The following ADSS2 variants were observed in gnomAD, a reference collection of about 807,000 sequenced individuals.
The protein encoded by ADSS2 is adenylosuccinate synthase 2, also known as adenylosuccinate synthetase isozyme 2.
Under a neutral mutation model 60.0 loss-of-function variants are expected in ADSS2, and 30 were observed. The observed-to-expected ratio is 0.50, with a 90% CI of 0.37 to 0.68. The LOEUF (loss-of-function observed/expected upper bound fraction) is 0.68, where lower values mean the gene tolerates loss of function less well. Among genes scored for constraint, ADSS2 ranks in the 30% least tolerant of loss-of-function variants. ADSS2 has a pLI of 0.00. For synonymous variants in ADSS2, 187 were observed against 193.1 expected, an observed-to-expected ratio of 0.97 and a Z score of 0.26; for missense variants, 373 against 554.8, an observed-to-expected ratio of 0.67 and a Z score of 3.29.
rs371336132 is a variant in ADSS2 at position 244,424,329 on chromosome 1, T to C, written c.465A>G (p.Ala155=). The C allele has an allele frequency of 1.2e-6, 2 of 1,613,260 alleles. No individual in the cohort carries two copies. The highest frequency in any genetic ancestry group is 1.7e-6 in the Non-Finnish European group (2 of 1,179,540). The change falls in exon 5 of 13, where the codon GCA becomes GCG. Residue 155 remains alanine, a synonymous_variant. Coordinates refer to ENST00000366535, the MANE Select transcript of ADSS2 (RefSeq NM_001126.5). ...GIQEQQRQEQ[A]GKNLGTTKKG... ...CAAAAACCCACACATACTTTTTTCC[T>C]GCTTGTTCTTGTCTCTGTTGTTCCT...
intron 3 of ADSS2, 69 bp from the exon 4 acceptor site, chr1:244,432,664 T>A: frequency 9.1e-5 from 60 of 661,504 alleles, no homozygotes; most frequent in Non-Finnish European, 1.2e-4. Context: ...TAATTTCTTT[T>A]TTTTTTTTTT....
In ADSS2 at chr1:244,411,400, T is replaced by C. The variant is rs747066610; in HGVS notation, c.1205A>G (p.Tyr402Cys). The C allele has an allele frequency of 1.9e-6, 3 of 1,612,580 alleles. No individual in the cohort carries two copies. The highest frequency in any genetic ancestry group is 1.7e-5 in the Admixed American group (1 of 59,770). ...TGTGTTCCATCCTGGGAGAGTCTTA[T>C]ATTGAACTTCAACTTTATTTAAGAC... The part of the protein sequence containing the change: ...QEVLNKVEVQ[Y>C]KTLPGWNTDI... Residue 402 changes from tyrosine (Y) to cysteine (C), a missense_variant, in exon 12 of 13, where the codon TAT becomes TGT. This residue lies in a region of ADSS2 where 130 missense variants were observed against 169.4 expected (regional missense o/e 0.77). Transcript: ENST00000366535.
chr1:244,414,014 G>A (rs1216947814), intron 11 of ADSS2, among the ~76,000 whole-genome samples: 1 of 152,110 alleles, frequency 6.6e-6, no homozygotes, highest in Non-Finnish European at 1.5e-5. Flanking sequence ...CCAGCTTAAA[G>A]TTTGAAAAAC....
At position 244,451,813 on chromosome 1, in the gene ADSS2, G is replaced by A; in HGVS notation, c.5C>T (p.Ala2Val). ...TGCCGCCGGGTAGGTCTCGGCGAAC[G>A]CCATGGCTCCAGTGACGCGAGGAGA... is the stretch of plus-strand genomic sequence containing the variant. M[A>V]FAETYPAASS... The change falls in exon 1 of 13, where the codon GCG becomes GTG. Residue 2 changes from alanine to valine, a missense_variant. Coordinates refer to ENST00000366535, the MANE Select transcript of ADSS2 (RefSeq NM_001126.5). The surrounding 1 kb of genome is among the most constrained non-coding windows in gnomAD (Gnocchi z 6.6). The A allele has an allele frequency of 6.3e-7, 1 of 1,586,248 alleles. No individual in the cohort carries two copies.
chr1:244,451,713 A>T lies in ADSS2; in HGVS notation c.105T>A (p.Gly35=), dbSNP rs999253236. The T allele has an allele frequency of 6.2e-7, 1 of 1,610,822 alleles. No individual in the cohort carries two copies. Among genetic ancestry groups the T allele is most frequent in the Non-Finnish European group, 8.5e-7 (1 of 1,178,754 alleles). Residue 35 remains glycine (G), a synonymous_variant, in exon 1 of 13, where the codon GGT becomes GGA. Coordinates refer to ENST00000366535, the MANE Select transcript of ADSS2 (RefSeq NM_001126.5). This position sits in a 1 kb window ranked among gnomAD's most constrained non-coding sequence, Gnocchi z 6.6. ...PGGNRVTVVL[G]AQWGDEGKGK... The stretch of plus-strand genomic sequence containing the variant: ...CTTTGCCTTCGTCGCCCCACTGCGC[A>T]CCGAGCACCACCGTCACCCGGTTTC...
chr1:244,451,302 C>T lies in ADSS2; in HGVS notation c.183+333G>A, dbSNP rs1455693218. 6.6e-6 allele frequency among the ~76,000 whole-genome samples: 1 copy of T among 152,198 alleles called. No homozygotes were observed. The highest frequency in any genetic ancestry group is 1.5e-5 in the Non-Finnish European group (1 of 68,038). On this transcript the variant is annotated intron_variant, in intron 1 of 12. Coordinates refer to ENST00000366535, the MANE Select transcript of ADSS2 (RefSeq NM_001126.5). This position sits in a 1 kb window ranked among gnomAD's most constrained non-coding sequence, Gnocchi z 6.6. ...AGCTCCTCAAACTCGGACCGCATCCCACCTCCACCCCGGCCTCAGTCCCGG... is the reference window on the plus strand; with the variant it reads ...AGCTCCTCAAACTCGGACCGCATCCTACCTCCACCCCGGCCTCAGTCCCGG...
intron 4 of ADSS2, among the ~76,000 whole-genome samples, chr1:244,429,531 T>G (rs1200455223): frequency 6.6e-6 from 1 of 152,190 alleles, no homozygotes; most frequent in Non-Finnish European, 1.5e-5. Context: ...AATTTTCCAA[T>G]TAGTTATTTG....
chr1:244,443,244 A>T (rs1344105444), intron 1 of ADSS2, among the ~76,000 whole-genome samples: 2 of 152,250 alleles, frequency 1.3e-5, no homozygotes, highest in Non-Finnish European at 2.9e-5. Context: ...TTGGTAAGTT[A>T]TCTCCCACAA....
chr1:244,408,537 A>G lies in ADSS2; in HGVS notation c.*1049T>C, dbSNP rs562139270. 3.3e-5 allele frequency: 5 copies of G among 152,756 alleles called. No individual in the cohort carries two copies. Among genetic ancestry groups the G allele is most frequent in the Non-Finnish European group, 5.9e-5 (4 of 68,014 alleles). The allele number at this position is 152,756 out of a possible 1,614,324, so 9.5% of individuals were successfully genotyped here. On this transcript the variant is annotated 3_prime_UTR_variant, in exon 13 of 13. Coordinates refer to ENST00000366535, the MANE Select transcript of ADSS2 (RefSeq NM_001126.5). ...CTTTTAATCAGCTATTCATGGTGTA[A>G]TAAAATAAATTTAAGTGGCACCTAA... is the stretch of plus-strand genomic sequence containing the variant.
At chr1:244,446,459 A>C (rs1365291534) in intron 1 of ADSS2, among the ~76,000 whole-genome samples, 1 of 152,238 alleles carries the variant, frequency 6.6e-6, no homozygotes, top group African/African-American at 2.4e-5. Flanking sequence ...CTTTCTAGCA[A>C]AGATATCCCA....
chr1:244,416,636 T>C (rs1006418727), intron 10 of ADSS2, among the ~76,000 whole-genome samples: 5 of 152,188 alleles, frequency 3.3e-5, no homozygotes, highest in African/African-American at 4.8e-5. Flanking sequence ...TTTCTTATGA[T>C]TGATGAACAA....
chr1:244,444,378 A>T (rs980899459), intron 1 of ADSS2, among the ~76,000 whole-genome samples: 1 of 148,644 alleles, frequency 6.7e-6, no homozygotes, highest in Non-Finnish European at 1.5e-5. Flanking sequence ...AGCCGGGCGT[A>T]GTGGCGGGCG....
chr1:244,417,755 A>G lies in ADSS2; in HGVS notation c.946-3T>C. On this transcript the variant is annotated splice_region_variant and splice_polypyrimidine_tract_variant and intron_variant, in intron 9 of 12. Transcript: ENST00000366535. ...GTTTGTAATAATTCTCCAATTTCCT[A>G]CAGAACAGAAAATTGAACTTTAGGA... 1 of 1,612,622 alleles carries G rather than the reference A, an allele frequency of 6.2e-7. No homozygotes were observed. The highest frequency in any genetic ancestry group is 1.3e-5 in the African/African-American group (1 of 75,004).
At chr1:244,429,583 A>AT (rs1664884337) in intron 4 of ADSS2, among the ~76,000 whole-genome samples, 1 of 152,176 alleles carries the variant, frequency 6.6e-6, no homozygotes. Context: ...CTATTATAGA[A>AT]TTGACTATAC....
At chr1:244,436,749 TTGTTCGTCTGG>T in intron 3 of ADSS2, 65 bp downstream of exon 3, 1 of 1,265,104 alleles carries the variant, frequency 7.9e-7, no homozygotes, top group Non-Finnish European at 1.1e-6. Flanking sequence ...GACAAACATG[TTGTTCGTCTGG>T]CATAAGATCC....
Position 244,416,093 on chromosome 1 carries a change from A to T in ADSS2, c.1071-15T>A. ...TAAGTGCCAACCTAATTTTGGAAGA[A>T]AAGGCAATGTTAAAAGAGCAGACTC... On this transcript the variant is annotated splice_polypyrimidine_tract_variant and intron_variant, in intron 10 of 12. Coordinates refer to ENST00000366535, the MANE Select transcript of ADSS2 (RefSeq NM_001126.5). 1 of 1,578,920 alleles carries T rather than the reference A, an allele frequency of 6.3e-7. No homozygotes were observed. Among genetic ancestry groups the T allele is most frequent in the Non-Finnish European group, 8.7e-7 (1 of 1,149,518 alleles).
At chr1:244,426,437 A>T (rs1314990225) in intron 4 of ADSS2, among the ~76,000 whole-genome samples, 1 of 152,166 alleles carries the variant, frequency 6.6e-6, no homozygotes, top group Non-Finnish European at 1.5e-5. Context: ...AATTACTTTC[A>T]TAAGACTTCA....
chr1:244,411,225 A>C, intron 12 of ADSS2, 62 bp downstream of exon 12: 10 of 1,531,754 alleles, frequency 6.5e-6, no homozygotes, highest in Non-Finnish European at 7.9e-6. Flanking sequence ...TCTCAAAAAA[A>C]AAAAAAGAAA....
At chr1:244,430,380 A>C (rs755096440) in intron 4 of ADSS2, among the ~76,000 whole-genome samples, 23 of 152,212 alleles carry the variant, frequency 1.5e-4, no homozygotes, top group Non-Finnish European at 2.8e-4. Flanking sequence ...ATGTCTCTTA[A>C]CACTAACCTC....
Sources: gnomAD v4.1 joint callset for allele counts (sites outside exome capture counted in the v4.1 genomes callset) on GRCh38, gnomAD v4.1.1 for gene constraint, gnomAD v4.1.1 regional missense constraint, Gnocchi (gnomAD v3.1) non-coding constraint, MANE v1.5 for transcripts, NCBI Gene and HGNC (gene_info 2026-07-23, HGNC 2026-07-21) for gene names.